FER: variants seen among roughly 807,000 people sequenced by gnomAD.
The protein encoded by FER is FER tyrosine kinase.
In FER, 63 loss-of-function variants were observed where a neutral mutation model predicts 111.0. The observed-to-expected ratio is 0.57, with a 90% CI of 0.46 to 0.70. The LOEUF is 0.70. Ranked by LOEUF, FER falls within the 30% of genes least tolerant of loss-of-function variation. FER has a pLI of 0.00. For synonymous variants in FER, 327 were observed against 313.9 expected (o/e 1.04, Z -0.44); for missense variants, 914 against 954.0 (o/e 0.96, Z 0.55).
intron 16 of FER, among the ~76,000 whole-genome samples, chr5:109,079,091 T>G (rs1303679325): frequency 1.3e-5 from 2 of 152,066 alleles, no homozygotes; most frequent in Non-Finnish European, 2.9e-5. Flanking sequence ...AAAGATGAAT[T>G]TGTATACATT....
At chr5:108,757,882 G>C (rs1751295102) in intron 1 of FER, among the ~76,000 whole-genome samples, 1 of 152,088 alleles carries the variant, frequency 6.6e-6, no homozygotes, top group Non-Finnish European at 1.5e-5. Flanking sequence ...ACCTTACCTT[G>C]GTGGTTGCCT....
Position 109,187,468 on chromosome 5 carries a change from G to A in FER, c.2362G>A (p.Asp788Asn). ...GTCAGCTCCCCAGCACTGTCCAGAG[G>A]ATATTTCCAAAATCATGATGAAGTG... ...RMSAPQHCPE[D>N]ISKIMMKCWD... The change falls in exon 20 of 20, where the codon GAT (aspartate) becomes AAT (asparagine). Residue 788 changes from aspartate to asparagine, a missense_variant. By Grantham distance (23) the Asp-to-Asn change is conservative. Coordinates refer to ENST00000281092, the MANE Select transcript of FER (RefSeq NM_005246.4). The A allele has an allele frequency of 6.2e-7, 1 of 1,614,024 alleles. No homozygotes were observed. Among genetic ancestry groups the A allele is most frequent in the Non-Finnish European group, 8.5e-7 (1 of 1,179,980 alleles).
intron 3 of FER, among the ~76,000 whole-genome samples, chr5:108,807,177 A>G (rs912071510): frequency 6.6e-6 from 1 of 152,140 alleles, no homozygotes; most frequent in African/African-American, 2.4e-5. Context: ...GCTTGCCGCC[A>G]TCCATGTAAG....
intron 16 of FER, among the ~76,000 whole-genome samples, chr5:109,064,080 C>A (rs1774786884): frequency 6.6e-6 from 1 of 152,144 alleles, no homozygotes; most frequent in Admixed American, 6.5e-5. Flanking sequence ...TTTCTGACCC[C>A]AGTGATACCT....
Position 108,959,885 on chromosome 5 carries a change from A to G in FER, c.1656+538A>G, listed in dbSNP as rs1004839223. On this transcript the variant is annotated intron_variant, in intron 13 of 19. Transcript: ENST00000281092. ...CATTTTTACCTCTATGATCTATCAC[A>G]GAAAACACTACTTACATGTGCTTTA... Among the ~76,000 whole-genome samples, 5 of 152,162 alleles carry G rather than the reference A, an allele frequency of 3.3e-5. 1 individual carries two copies. Among genetic ancestry groups the G allele is most frequent in the African/African-American group, 1.2e-4 (5 of 41,460 alleles).
At position 108,993,607 on chromosome 5, in the gene FER, GGGAGAGGGCA is replaced by G. The variant is rs1161631025; in HGVS notation, c.1656+34261_1656+34270del. 4.4e-4 allele frequency among the ~76,000 whole-genome samples: 57 copies of G among 130,248 alleles called. 1 individual carries two copies. Among genetic ancestry groups the G allele is most frequent in the African/African-American group, 1.3e-3 (47 of 35,058 alleles). 85.4% of individuals were successfully genotyped at this position (130,248 alleles called of 152,430 possible). Reference sequence around the variant, plus strand: ...AGGGAGAGGGAGAGGGCGAGGGCGAGGGAGAGGGCAAGGGCGAGGGCGAGGGTGAGGGCGA... The same window carrying G: ...AGGGAGAGGGAGAGGGCGAGGGCGAGAGGGCGAGGGCGAGGGTGAGGGCGA... On this transcript the variant is annotated intron_variant, in intron 13 of 19. Coordinates refer to ENST00000281092, the MANE Select transcript of FER (RefSeq NM_005246.4).
chr5:109,151,971 T>A (rs566277646), intron 17 of FER, among the ~76,000 whole-genome samples: 2 of 152,254 alleles, frequency 1.3e-5, no homozygotes, highest in African/African-American at 4.8e-5. Flanking sequence ...GCAAGAATTT[T>A]CAGTTTGTAC....
chr5:108,922,695 CTT>C (rs1753184292), intron 10 of FER, among the ~76,000 whole-genome samples: 1 of 151,918 alleles, frequency 6.6e-6, no homozygotes, highest in South Asian at 2.1e-4. Context: ...AAAATATAAA[CTT>C]ATTCTGGTAT....
intron 1 of FER, among the ~76,000 whole-genome samples, chr5:108,753,841 A>T (rs904235428): frequency 5.3e-5 from 8 of 152,274 alleles, no homozygotes; most frequent in Non-Finnish European, 1.2e-4. Flanking sequence ...AGAAGCAAGC[A>T]CTGAACTGAC....
intron 3 of FER, among the ~76,000 whole-genome samples, chr5:108,802,261 C>T (rs10045220): frequency 0.39 from 58,783 of 151,742 alleles, 13,322 homozygotes; most frequent in African/African-American, 0.63. Context: ...CTTGGAATTA[C>T]ATTGAATGTA....
intron 2 of FER, among the ~76,000 whole-genome samples, chr5:108,773,674 A>G (rs560040055): frequency 1.3e-5 from 2 of 152,054 alleles, no homozygotes; most frequent in South Asian, 4.2e-4. Context: ...ATGTATCTTT[A>G]TAATAGAATG....
At position 109,024,419 on chromosome 5, in the gene FER, G is replaced by A. The variant is rs562428086; in HGVS notation, c.1657-13003G>A. Among the ~76,000 whole-genome samples, 19 of 152,208 alleles carry A rather than the reference G, an allele frequency of 1.2e-4. No homozygotes were observed. In the South Asian group the frequency reaches 3.5e-3, roughly 28 times the overall value. On this transcript the variant is annotated intron_variant, in intron 13 of 19. Transcript: ENST00000281092. ...ATGCAGAGTGGAATGGAAAGAAAACGAAAGAAAGCAGTGGAGAGAGGTCCT... is the reference window on the plus strand; with the variant it reads ...ATGCAGAGTGGAATGGAAAGAAAACAAAAGAAAGCAGTGGAGAGAGGTCCT...
Position 109,196,488 on chromosome 5 carries a change from A to G in FER, c.*8913A>G, listed in dbSNP as rs780110894. The G allele has an allele frequency of 1.3e-5, 2 of 152,264 alleles. No homozygotes were observed. Among genetic ancestry groups the G allele is most frequent in the African/African-American group, 2.4e-5 (1 of 41,480 alleles). The allele number at this position is 152,264 out of a possible 1,614,324, so 9.4% of individuals were successfully genotyped here. A position where few individuals can be genotyped will look rare whatever the true frequency, so the allele number is the denominator to read the frequency against. On this transcript the variant is annotated 3_prime_UTR_variant, in exon 20 of 20. Transcript: ENST00000281092. ...TCTTCTGGAAAGTTCAGTGTAAAAC[A>G]CAAACAAGGCTTTGGCGGGTTTATC... is the stretch of plus-strand genomic sequence containing the variant.
chr5:108,846,684 G>A (rs1421475134), intron 5 of FER, among the ~76,000 whole-genome samples: 3 of 152,040 alleles, frequency 2.0e-5, no homozygotes, highest in South Asian at 2.1e-4. Flanking sequence ...CCGGGTTCAC[G>A]CCATTCTCCT....
intron 2 of FER, among the ~76,000 whole-genome samples, chr5:108,795,076 T>A (rs543665060): frequency 6.6e-6 from 1 of 152,374 alleles, no homozygotes; most frequent in South Asian, 2.1e-4. Context: ...GGAAGGCCAG[T>A]ACTTTGGAAG....
intron 1 of FER, among the ~76,000 whole-genome samples, chr5:108,767,223 G>C (rs1752420218): frequency 6.6e-6 from 1 of 152,124 alleles, no homozygotes; most frequent in Non-Finnish European, 1.5e-5. Flanking sequence ...AGAATCACTT[G>C]AACCCAGGAG....
At chr5:108,902,194 C>G (rs1750131938) in intron 10 of FER, among the ~76,000 whole-genome samples, 1 of 152,058 alleles carries the variant, frequency 6.6e-6, no homozygotes, top group Admixed American at 6.6e-5. Flanking sequence ...AAAAAACGGG[C>G]TATAAGAATA....
At chr5:108,889,892 T>A (rs528623284) in intron 9 of FER, among the ~76,000 whole-genome samples, 1 of 152,136 alleles carries the variant, frequency 6.6e-6, no homozygotes, top group South Asian at 2.1e-4. Flanking sequence ...TTAATTTTTT[T>A]ATTTTGAGAT....
chr5:109,042,836 A>T (rs137856672), intron 14 of FER, among the ~76,000 whole-genome samples: 397 of 152,294 alleles, frequency 2.6e-3, no homozygotes, highest in Non-Finnish European at 3.6e-3. Context: ...ATCACTATGT[A>T]TTTGAGTTCA....
Sources: gnomAD v4.1 joint callset for allele counts (sites outside exome capture counted in the v4.1 genomes callset) on GRCh38, gnomAD v4.1.1 for gene constraint, MANE v1.5 for transcripts, NCBI Gene and HGNC (gene_info 2026-07-23, HGNC 2026-07-21) for gene names.